The following FGFR1 variants were observed in gnomAD, a reference collection of about 807,000 sequenced individuals.
FGFR1 encodes the protein FGFR1/PLAG1 fusion.
Under a neutral mutation model 93.7 loss-of-function variants are expected in FGFR1, and 18 were observed. That is an observed-to-expected ratio of 0.19 (90% confidence interval 0.13 to 0.28). FGFR1 has a LOEUF of 0.28. Among genes scored for constraint, FGFR1 ranks in the 10% least tolerant of loss-of-function variants. The pLI, the probability that FGFR1 is intolerant of heterozygous loss-of-function variation, is 1.00. For synonymous variants in FGFR1, 448 were observed against 429.3 expected, an observed-to-expected ratio of 1.04 and a Z score of -0.54; for missense variants, 731 against 1,080.4, an observed-to-expected ratio of 0.68 and a Z score of 4.53.
chr8:38,420,082 T>C (rs1469926906), intron 8 of FGFR1: 1 of 334,874 alleles, frequency 3.0e-6, no homozygotes, highest in South Asian at 3.3e-5. Context: ...GTCACTTCTA[T>C]GTGCCTTTCT....
chr8:38,445,823 G>A (rs1268043387), intron 2 of FGFR1, among the ~76,000 whole-genome samples: 1 of 151,958 alleles, frequency 6.6e-6, no homozygotes, highest in Non-Finnish European at 1.5e-5. Context: ...TTACAGGTGA[G>A]CCACTGTGCC....
chr8:38,413,770 T>G lies in FGFR1; in HGVS notation c.2327A>C (p.Tyr776Ser), dbSNP rs1307564234. The G allele has an allele frequency of 6.2e-7, 1 of 1,613,538 alleles. No homozygotes were observed. Among genetic ancestry groups the G allele is most frequent in the African/African-American group, 1.3e-5 (1 of 74,730 alleles). ...CCGGGTGTCGGGAAAGCTGGGGGAG[T>G]ACTGGTCCAGGGGCATGGACAGGTC... ...YLDLSMPLDQYSPSFPDTRSS... is the reference protein window; with the variant it reads ...YLDLSMPLDQSSPSFPDTRSS... Residue 776 changes from tyrosine (Y) to serine (S), a missense_variant, in exon 18 of 18, where the codon TAC becomes TCC. By Grantham distance (144) the Tyr-to-Ser change is moderately radical (BLOSUM62 -2). This residue lies in a region of FGFR1 where 79 missense variants were observed against 97.2 expected (regional missense o/e 0.81). Coordinates refer to ENST00000447712, the MANE Select transcript of FGFR1 (RefSeq NM_023110.3). This position sits in a 1 kb window ranked among gnomAD's most constrained non-coding sequence, Gnocchi z 4.2.
chr8:38,421,775 G>C (rs1205334880), intron 8 of FGFR1, 22 bp downstream of exon 8: 2 of 1,613,674 alleles, frequency 1.2e-6, no homozygotes, highest in African/African-American at 2.7e-5. Flanking sequence ...AGGACATCGA[G>C]AGGAGAAGTT....
chr8:38,418,565 C>T lies in FGFR1; in HGVS notation c.1285-192G>A, dbSNP rs146235930. 1.9e-4 allele frequency: 121 copies of T among 634,212 alleles called. No homozygotes were observed. In the African/African-American group the frequency reaches 2.0e-3, roughly 10 times the overall value. 39.3% of individuals were successfully genotyped at this position (634,212 alleles called of 1,614,324 possible). On this transcript the variant is annotated intron_variant, in intron 9 of 17. Coordinates refer to ENST00000447712, the MANE Select transcript of FGFR1 (RefSeq NM_023110.3). Reference sequence around the variant, plus strand: ...ACTTCTAGGACTGACCTATTTCTGCCACAAGCTGGCCTTTCTGGACTTCAC... The same window carrying T: ...ACTTCTAGGACTGACCTATTTCTGCTACAAGCTGGCCTTTCTGGACTTCAC...
chr8:38,423,212 A>C, intron 7 of FGFR1: 1 of 775,916 alleles, frequency 1.3e-6, no homozygotes, highest in Non-Finnish European at 2.4e-6. Context: ...CAGTTGGGCA[A>C]AGCTGAGATG....
intron 6 of FGFR1, among the ~76,000 whole-genome samples, chr8:38,425,014 CAG>C (rs1360221361): frequency 1.3e-5 from 2 of 152,184 alleles, no homozygotes; most frequent in South Asian, 2.1e-4. Context: ...CTTAAAAAAC[CAG>C]AGTCACTTTG....
chr8:38,415,332 C>T (rs554094568), intron 13 of FGFR1, among the ~76,000 whole-genome samples: 20 of 152,240 alleles, frequency 1.3e-4, no homozygotes, highest in African/African-American at 4.3e-4. Context: ...CTTGCTCTGT[C>T]GCCCCGGCTG....
intron 1 of FGFR1, among the ~76,000 whole-genome samples, chr8:38,463,571 T>G (rs917237998): frequency 4.6e-5 from 7 of 151,950 alleles, no homozygotes; most frequent in African/African-American, 1.7e-4. Context: ...ACACAGGAGA[T>G]GCCAACATGT....
At chr8:38,430,808 C>G (rs997403640) in intron 2 of FGFR1, 1 of 152,304 alleles carries the variant, frequency 6.6e-6, no homozygotes, top group Admixed American at 6.5e-5. Context: ...CTGGACCCAC[C>G]GGGGTGTCTG....
Position 38,425,141 on chromosome 8 carries a change from T to A in FGFR1, c.746-442A>T, listed in dbSNP as rs564330779. ...AACCTCTTGGATCAGAATCTCCTTTTTACCTTTTTTTTTTTTAAAGGCAGG... is the reference window on the plus strand; with the variant it reads ...AACCTCTTGGATCAGAATCTCCTTTATACCTTTTTTTTTTTTAAAGGCAGG... On this transcript the variant is annotated intron_variant, in intron 6 of 17. Coordinates refer to ENST00000447712, the MANE Select transcript of FGFR1 (RefSeq NM_023110.3). 1.1e-4 allele frequency among the ~76,000 whole-genome samples: 16 copies of A among 146,146 alleles called. No individual in the cohort carries two copies. In the East Asian group the frequency reaches 3.4e-3, roughly 31 times the overall value.
chr8:38,422,164 T>C (rs2150766246), intron 7 of FGFR1: 1 of 573,378 alleles, frequency 1.7e-6, no homozygotes, highest in Non-Finnish European at 3.1e-6. Flanking sequence ...GAGAAGACGA[T>C]GGCTGGTTAC....
chr8:38,444,297 C>T (rs1828583090), intron 2 of FGFR1, among the ~76,000 whole-genome samples: 1 of 152,094 alleles, frequency 6.6e-6, no homozygotes, highest in Admixed American at 6.6e-5. Context: ...ATACCCCACA[C>T]ATTCATCCTT....
At chr8:38,422,874 G>A in intron 7 of FGFR1, 1 of 599,914 alleles carries the variant, frequency 1.7e-6, no homozygotes. Context: ...AACCAAACCA[G>A]CCTCCCAGGC....
Position 38,422,995 on chromosome 8 carries a change from A to T in FGFR1, c.937-1054T>A, listed in dbSNP as rs12548909. The stretch of plus-strand genomic sequence containing the variant: ...AGCTTGGGGCCTACATCAAATCCCC[A>T]GCACAGGGTCCCATCCATCTCCCCA... On this transcript the variant is annotated intron_variant, in intron 7 of 17. Transcript: ENST00000447712. 1,309 of 778,256 alleles carry T rather than the reference A, an allele frequency of 1.7e-3. 24 individuals carry two copies. The Admixed American group carries it at 0.021, about 13-fold the overall frequency. The allele number at this position is 778,256 out of a possible 1,614,324, so 48.2% of individuals were successfully genotyped here.
chr8:38,447,138 CACACACACACACA>C (rs1829596536), intron 2 of FGFR1, among the ~76,000 whole-genome samples: 3 of 148,780 alleles, frequency 2.0e-5, no homozygotes, highest in Admixed American at 1.3e-4. Context: ...CACACACACA[CACACACACACACA>C]CCCCTGACAA....
chr8:38,457,303 C>T, intron 2 of FGFR1, 53 bp downstream of exon 2: 2 of 1,592,702 alleles, frequency 1.3e-6, no homozygotes, highest in Non-Finnish European at 1.7e-6. Context: ...CCCTCCCAGC[C>T]CATCCTGTTC....
Position 38,426,291 on chromosome 8 carries a change from T to C in FGFR1, c.622-46A>G. The C allele has an allele frequency of 6.2e-7, 1 of 1,612,442 alleles. No individual in the cohort carries two copies. Among genetic ancestry groups the C allele is most frequent in the Non-Finnish European group, 8.5e-7 (1 of 1,179,740 alleles). On this transcript the variant is annotated intron_variant, in intron 5 of 17. Transcript: ENST00000447712. This position sits in a 1 kb window ranked among gnomAD's most constrained non-coding sequence, Gnocchi z 4.1. Reference sequence around the variant, plus strand: ...GATACATTGAGGGTCCAGAGGAAAATGCAGGCCCCATGACAATGTCGGCAC... The same window carrying C: ...GATACATTGAGGGTCCAGAGGAAAACGCAGGCCCCATGACAATGTCGGCAC...
intron 2 of FGFR1, among the ~76,000 whole-genome samples, chr8:38,437,885 A>G (rs890251148): frequency 4.6e-5 from 7 of 152,160 alleles, no homozygotes; most frequent in African/African-American, 2.4e-5. Flanking sequence ...CACAGCAGCC[A>G]CTCTGGTCTG....
At chr8:38,419,402 T>C in intron 9 of FGFR1, 131 bp downstream of exon 9, 1 of 828,494 alleles carries the variant, frequency 1.2e-6, no homozygotes, top group South Asian at 1.4e-5. Context: ...GTTCATGATA[T>C]TCCACTGTGC....
Sources: allele counts gnomAD v4.1 joint callset (sites outside exome capture counted in the v4.1 genomes callset), GRCh38; gene constraint gnomAD v4.1.1; regional missense constraint gnomAD v4.1.1; non-coding constraint Gnocchi (gnomAD v3.1); transcripts MANE v1.5; gene names NCBI Gene and HGNC (gene_info 2026-07-23, HGNC 2026-07-21).